The following GJA8 variants were observed in gnomAD, a reference collection of about 807,000 sequenced individuals.
GJA8 encodes the protein gap junction protein alpha 8.
Under a neutral mutation model 15.3 loss-of-function variants are expected in GJA8, and 13 were observed. The observed-to-expected ratio is 0.85, with a 90% CI of 0.55 to 1.35. GJA8 has a LOEUF of 1.35. GJA8 is among the 40% of genes most tolerant of loss of function. GJA8 has a pLI of 0.00. For missense variants in GJA8, 607 were observed against 553.3 expected, an observed-to-expected ratio of 1.10 and a Z score of -0.97; for synonymous variants, 304 against 238.7, an observed-to-expected ratio of 1.27 and a Z score of -2.52.
downstream of GJA8, among the ~76,000 whole-genome samples, chr1:147,910,477 GC>G (rs1652071256): frequency 1.3e-5 from 2 of 152,170 alleles, no homozygotes; most frequent in African/African-American, 4.8e-5. Context: ...GGGTTCTGAA[GC>G]AATGATATGC....
chr1:147,908,981 C>T lies in GJA8; in HGVS notation c.1026C>T (p.Ala342=). 8 of 1,597,234 alleles carry T rather than the reference C, an allele frequency of 5.0e-6. No homozygotes were observed. The highest frequency in any genetic ancestry group is 1.1e-5 in the South Asian group (1 of 89,314). Residue 342 remains alanine, a synonymous_variant, in exon 2 of 2, where the codon GCC becomes GCT. Transcript: ENST00000369235. The stretch of plus-strand genomic sequence containing the variant: ...AGGGGCCGCCTGCAGAGGAGGGAGC[C>T]GAACCCGAGGTGGGAGAGAAGAAGG... ...EGEGPPAEEG[A]EPEVGEKKEE... is the part of the protein sequence containing the mutation.
intron 1 of GJA8, 64 bp from the exon 2 acceptor site, chr1:147,907,881 A>G: frequency 8.6e-7 from 1 of 1,166,982 alleles, no homozygotes; most frequent in South Asian, 1.2e-5. Flanking sequence ...GTTAGCAAAA[A>G]CAGATATTGA....
downstream of GJA8, among the ~76,000 whole-genome samples, chr1:147,910,257 A>ACATTTAACCTGTGAGGCAC (rs1652058652): frequency 6.6e-6 from 1 of 152,250 alleles, no homozygotes; most frequent in Non-Finnish European, 1.5e-5. Context: ...TGTGCAAGCC[A>ACATTTAACCTGTGAGGCAC]CATTTAACCT....
chr1:147,914,117 G>A (rs115502516), downstream of GJA8, among the ~76,000 whole-genome samples: 379 of 152,214 alleles, frequency 2.5e-3, 1 homozygote, highest in African/African-American at 8.5e-3. Flanking sequence ...TCTGGGAACC[G>A]AATACCACAT....
At chr1:147,906,685 T>A (rs1651811801) in intron 1 of GJA8, among the ~76,000 whole-genome samples, 1 of 152,130 alleles carries the variant, frequency 6.6e-6, no homozygotes, top group African/African-American at 2.4e-5. Flanking sequence ...GGTTTCCAGA[T>A]TTCAACCTAG....
chr1:147,913,634 G>A (rs1553243728), downstream of GJA8, among the ~76,000 whole-genome samples: 1 of 152,152 alleles, frequency 6.6e-6, no homozygotes, highest in African/African-American at 2.4e-5. Context: ...ACAAACCACT[G>A]CTCCTCTCCA....
intron 1 of GJA8, among the ~76,000 whole-genome samples, chr1:147,906,306 T>C (rs190443987): frequency 1.3e-5 from 2 of 152,322 alleles, no homozygotes; most frequent in East Asian, 3.9e-4. Flanking sequence ...GGAACAACTG[T>C]TCTCCATTGA....
intron 1 of GJA8, among the ~76,000 whole-genome samples, chr1:147,903,994 TGATCTCAGCTCACTGCA>T (rs1225478735): frequency 1.3e-5 from 2 of 150,346 alleles, no homozygotes; most frequent in Non-Finnish European, 3.0e-5. Context: ...TGCAGTGGTG[TGATCTCAGCTCACTGCA>T]GCCTCCACCT....
At chr1:147,904,741 G>T (rs916175104) in intron 1 of GJA8, among the ~76,000 whole-genome samples, 3 of 152,174 alleles carry the variant, frequency 2.0e-5, no homozygotes, top group Non-Finnish European at 4.4e-5. Context: ...GCTCTAAAGT[G>T]TCTCTCCTTA....
chr1:147,908,875 G>T lies in GJA8; in HGVS notation c.920G>T (p.Gly307Val), dbSNP rs781949079. Reference sequence around the variant, plus strand: ...CAGTTCGAGGAGAAGATCAGCACAGGACCCCTGGGGGACTTGTCCCGGGGC... The same window carrying T: ...CAGTTCGAGGAGAAGATCAGCACAGTACCCCTGGGGGACTTGTCCCGGGGC... ...FNQFEEKIST[G>V]PLGDLSRGYQ... The change falls in exon 2 of 2, where the codon GGA (glycine) becomes GTA (valine). Residue 307 changes from glycine (G) to valine (V), a missense_variant. Transcript: ENST00000369235. 1 of 1,614,118 alleles carries T rather than the reference G, an allele frequency of 6.2e-7. No homozygotes were observed. Among genetic ancestry groups the T allele is most frequent in the South Asian group, 1.1e-5 (1 of 91,076 alleles).
At chr1:147,910,882 G>C (rs1160113672), downstream of GJA8, among the ~76,000 whole-genome samples, 1 of 152,146 alleles carries the variant, frequency 6.6e-6, no homozygotes, top group Non-Finnish European at 1.5e-5. Flanking sequence ...AGAGGCTAAA[G>C]GGAACAAGAA....
chr1:147,913,631 A>G (rs1652267778), downstream of GJA8, among the ~76,000 whole-genome samples: 1 of 152,194 alleles, frequency 6.6e-6, no homozygotes, highest in Non-Finnish European at 1.5e-5. Flanking sequence ...GGTACAAACC[A>G]CTGCTCCTCT....
intron 1 of GJA8, among the ~76,000 whole-genome samples, chr1:147,906,265 A>C (rs1213320237): frequency 6.6e-6 from 1 of 152,222 alleles, no homozygotes. Context: ...GTGATGAGTA[A>C]ACTTATAACT....
In GJA8 at chr1:147,909,224, C is replaced by G; in HGVS notation, c.1269C>G (p.Ser423Arg). 6.4e-7 allele frequency: 1 copy of G among 1,574,168 alleles called. No individual in the cohort carries two copies. Among genetic ancestry groups the G allele is most frequent in the Non-Finnish European group, 8.7e-7 (1 of 1,153,952 alleles). The change falls in exon 2 of 2, where the codon AGC (serine) becomes AGG (arginine). Residue 423 changes from serine to arginine, a missense_variant. Coordinates refer to ENST00000369235, the MANE Select transcript of GJA8 (RefSeq NM_005267.5). The part of the protein sequence containing the change: ...ARPLSRLSKA[S>R]SRARSDDLTV Reference sequence around the variant, plus strand: ...CCCTGAGCAGGCTAAGCAAAGCCAGCAGCCGAGCCAGGTCAGACGATCTAA... The same window carrying G: ...CCCTGAGCAGGCTAAGCAAAGCCAGGAGCCGAGCCAGGTCAGACGATCTAA...
At position 147,909,011 on chromosome 1, in the gene GJA8, A is replaced by G. The variant is rs1351621873; in HGVS notation, c.1056A>G (p.Glu352=). 1.9e-6 allele frequency: 3 copies of G among 1,595,106 alleles called. No individual in the cohort carries two copies. The highest frequency in any genetic ancestry group is 2.6e-6 in the Non-Finnish European group (3 of 1,170,326). ...CCGAGGTGGGAGAGAAGAAGGAGGA[A>G]GCAGAGAGGCTGACCACGGAGGAGC... The part of the protein sequence containing the change: ...AEPEVGEKKE[E]AERLTTEEQE... Residue 352 remains glutamate (E), a synonymous_variant, in exon 2 of 2, where the codon GAA becomes GAG. Transcript: ENST00000369235.
chr1:147,910,211 T>C (rs1652056166), downstream of GJA8, among the ~76,000 whole-genome samples: 3 of 152,186 alleles, frequency 2.0e-5, no homozygotes, highest in African/African-American at 7.2e-5. Flanking sequence ...TGTTGGCAAC[T>C]AAATTTTAAA....
chr1:147,907,933 T>C lies in GJA8; in HGVS notation c.-11-12T>C. 6.3e-7 allele frequency: 1 copy of C among 1,594,676 alleles called. No homozygotes were observed. The highest frequency in any genetic ancestry group is 8.6e-7 in the Non-Finnish European group (1 of 1,162,652). ...GGCCGCTCAGCTCTTGCCTTCTCCC[T>C]CATTTCTTCAGGTGGGTGAGAAATG... On this transcript the variant is annotated splice_polypyrimidine_tract_variant and intron_variant, in intron 1 of 1. Coordinates refer to ENST00000369235, the MANE Select transcript of GJA8 (RefSeq NM_005267.5).
chr1:147,911,124 T>C (rs966104928), downstream of GJA8, among the ~76,000 whole-genome samples: 6 of 152,254 alleles, frequency 3.9e-5, no homozygotes, highest in South Asian at 2.1e-4. Flanking sequence ...AGAAACCAAG[T>C]TGACATAGCA....
In GJA8 at chr1:147,908,081, G is replaced by C; in HGVS notation, c.126G>C (p.Glu42Asp). 6.2e-7 allele frequency: 1 copy of C among 1,614,180 alleles called. No individual in the cohort carries two copies. Among genetic ancestry groups the C allele is most frequent in the Non-Finnish European group, 8.5e-7 (1 of 1,180,038 alleles). ...TCCTCATCCTTGGCACGGCCGCAGAGTTCGTGTGGGGGGATGAGCAATCCG... is the reference window on the plus strand; with the variant it reads ...TCCTCATCCTTGGCACGGCCGCAGACTTCGTGTGGGGGGATGAGCAATCCG... ...FRILILGTAA[E>D]FVWGDEQSDF... The change falls in exon 2 of 2, where the codon GAG (glutamate) becomes GAC (aspartate). Residue 42 changes from glutamate to aspartate, a missense_variant. Glu to Asp is a conservative substitution (Grantham distance 45). Transcript: ENST00000369235.
Sources: allele counts gnomAD v4.1 joint callset (sites outside exome capture counted in the v4.1 genomes callset), GRCh38; gene constraint gnomAD v4.1.1; transcripts MANE v1.5; gene names NCBI Gene and HGNC (gene_info 2026-07-23, HGNC 2026-07-21).